The following WWOX variants were observed in gnomAD, a reference collection of about 807,000 sequenced individuals.
The protein encoded by WWOX is WW domain containing oxidoreductase.
Under a neutral mutation model 46.2 loss-of-function variants are expected in WWOX, and 69 were observed. The observed-to-expected ratio is 1.49, with a 90% CI of 1.23 to 1.82. The LOEUF (loss-of-function observed/expected upper bound fraction) is 1.82. Ranked by LOEUF, WWOX falls within the 40% of genes most tolerant of loss-of-function variation. The probability of loss-of-function intolerance (pLI) is 0.00; values close to 1 mark genes in which losing one functional copy is unlikely to be tolerated. For synonymous variants in WWOX, 359 were observed against 202.6 expected, an observed-to-expected ratio of 1.77 and a Z score of -6.56; for missense variants, 919 against 542.6, an observed-to-expected ratio of 1.69 and a Z score of -6.89.
intron 8 of WWOX, among the ~76,000 whole-genome samples, chr16:79,135,293 C>G (rs891015470): frequency 6.6e-6 from 1 of 152,062 alleles, no homozygotes; most frequent in African/African-American, 2.4e-5. Flanking sequence ...ACATGTATGT[C>G]TTGATTTATA....
chr16:78,834,977 G>A (rs1410442318), intron 8 of WWOX, among the ~76,000 whole-genome samples: 2 of 152,178 alleles, frequency 1.3e-5, no homozygotes, highest in Non-Finnish European at 2.9e-5. Flanking sequence ...ACTGTGCTGA[G>A]TGTTCTACAA....
intron 6 of WWOX, among the ~76,000 whole-genome samples, chr16:78,414,798 CTA>C: frequency 6.6e-6 from 1 of 152,210 alleles, no homozygotes; most frequent in African/African-American, 2.4e-5. Context: ...GTTATTTAAA[CTA>C]TAAACGAAAT....
intron 8 of WWOX, among the ~76,000 whole-genome samples, chr16:78,851,347 A>T (rs539896537): frequency 1.3e-5 from 2 of 152,356 alleles, no homozygotes; most frequent in African/African-American, 4.8e-5. Context: ...AGAGAGGATG[A>T]GAATTTTCTT....
intron 8 of WWOX, among the ~76,000 whole-genome samples, chr16:78,988,584 C>G (rs1335344289): frequency 1.3e-5 from 2 of 152,144 alleles, no homozygotes; most frequent in Non-Finnish European, 2.9e-5. Flanking sequence ...CCCGCCCCTT[C>G]AACTCTTTGC....
intron 8 of WWOX, among the ~76,000 whole-genome samples, chr16:78,641,894 C>T (rs1301407439): frequency 6.6e-6 from 1 of 152,040 alleles, no homozygotes; most frequent in South Asian, 2.1e-4. Flanking sequence ...TGTGCACAGG[C>T]AGTATTAGAG....
intron 5 of WWOX, among the ~76,000 whole-genome samples, chr16:78,177,373 C>A (rs554830250): frequency 5.3e-5 from 8 of 152,258 alleles, no homozygotes; most frequent in Admixed American, 1.3e-4. Flanking sequence ...TGAGGTGATA[C>A]CCCTAAACTG....
chr16:78,813,678 C>T (rs372106802), intron 8 of WWOX, among the ~76,000 whole-genome samples: 1 of 152,116 alleles, frequency 6.6e-6, no homozygotes, highest in East Asian at 1.9e-4. Flanking sequence ...CCTTTGAGAT[C>T]AATCACATTC....
intron 8 of WWOX, among the ~76,000 whole-genome samples, chr16:79,047,672 A>AC (rs529812201): frequency 2.1e-4 from 11 of 53,540 alleles, no homozygotes; most frequent in African/African-American, 8.4e-4. Context: ...GACTGTCCTG[A>AC]TTTTTTTTTT....
intron 4 of WWOX, among the ~76,000 whole-genome samples, chr16:78,125,825 ATGCCAGG>A (rs889151730): frequency 3.9e-5 from 6 of 152,232 alleles, no homozygotes; most frequent in Non-Finnish European, 8.8e-5. Flanking sequence ...GCGCCTGTAT[ATGCCAGG>A]TGTTAGGCTA....
At chr16:78,811,528 T>A (rs1286347658) in intron 8 of WWOX, among the ~76,000 whole-genome samples, 1 of 151,846 alleles carries the variant, frequency 6.6e-6, no homozygotes, top group Non-Finnish European at 1.5e-5. Context: ...TTTCTCTCTC[T>A]CTTTCCCCCT....
intron 8 of WWOX, among the ~76,000 whole-genome samples, chr16:79,171,406 T>C (rs1394745696): frequency 6.6e-6 from 1 of 152,242 alleles, no homozygotes; most frequent in African/African-American, 2.4e-5. Flanking sequence ...TTTCCATTAT[T>C]AGCTCTCTCC....
At chr16:78,666,106 G>C (rs1302800602) in intron 8 of WWOX, among the ~76,000 whole-genome samples, 1 of 151,986 alleles carries the variant, frequency 6.6e-6, no homozygotes, top group Non-Finnish European at 1.5e-5. Flanking sequence ...TTAACATAGT[G>C]AGAGCCCCAT....
intron 5 of WWOX, among the ~76,000 whole-genome samples, chr16:78,305,300 G>T (rs2080113074): frequency 1.3e-5 from 2 of 152,230 alleles, no homozygotes; most frequent in East Asian, 3.9e-4. Context: ...TGCCAGGGAG[G>T]TGCTGTTAAT....
chr16:78,373,237 C>T (rs1358380884), intron 5 of WWOX, among the ~76,000 whole-genome samples: 2 of 152,154 alleles, frequency 1.3e-5, no homozygotes, highest in Admixed American at 1.3e-4. Context: ...TGGCAGAGCA[C>T]AATTTTACCA....
chr16:79,029,158 C>T (rs958638813), intron 8 of WWOX, among the ~76,000 whole-genome samples: 1 of 152,142 alleles, frequency 6.6e-6, no homozygotes, highest in Admixed American at 6.5e-5. Context: ...AGGAGGGAGC[C>T]TACCTCTGGA....
At chr16:78,370,444 G>C (rs2081647296) in intron 5 of WWOX, among the ~76,000 whole-genome samples, 1 of 151,944 alleles carries the variant, frequency 6.6e-6, no homozygotes, top group Non-Finnish European at 1.5e-5. Context: ...CATTGGGAAA[G>C]GGAAAAAGGA....
chr16:78,152,983 G>A (rs1385017717), intron 4 of WWOX, among the ~76,000 whole-genome samples: 2 of 152,192 alleles, frequency 1.3e-5, no homozygotes, highest in African/African-American at 4.8e-5. Context: ...GTTGCTTGCT[G>A]TATATAACAC....
At chr16:78,841,543 TG>T (rs2052149596) in intron 8 of WWOX, among the ~76,000 whole-genome samples, 2 of 152,236 alleles carry the variant, frequency 1.3e-5, no homozygotes, top group South Asian at 4.1e-4. Flanking sequence ...TTTTCAGAGT[TG>T]GTTTACCAAT....
chr16:78,760,392 A>G (rs1249709446), intron 8 of WWOX, among the ~76,000 whole-genome samples: 1 of 152,232 alleles, frequency 6.6e-6, no homozygotes, highest in African/African-American at 2.4e-5. Context: ...ATCACAGGAT[A>G]GTTCCCCATA....
Sources: gnomAD v4.1 joint callset for allele counts (sites outside exome capture counted in the v4.1 genomes callset) on GRCh38, gnomAD v4.1.1 for gene constraint, MANE v1.5 for transcripts, NCBI Gene and HGNC (gene_info 2026-07-23, HGNC 2026-07-21) for gene names.